Variants in ITGB6 observed in about 807,000 individuals in gnomAD.
The protein encoded by ITGB6 is integrin beta-6.
Under a neutral mutation model 84.5 loss-of-function variants are expected in ITGB6, and 80 were observed. The ratio of observed to expected loss-of-function variants is 0.95; its 90% CI spans 0.79 to 1.14. The LOEUF is 1.14. Ranked by LOEUF, ITGB6 falls within the 50% of genes most tolerant of loss-of-function variation. The pLI, the probability that ITGB6 is intolerant of heterozygous loss-of-function variation, is 0.00. For synonymous variants in ITGB6, 383 were observed against 354.9 expected (o/e 1.08, Z -0.89); for missense variants, 1,006 against 968.0 (o/e 1.04, Z -0.52).
At chr2:160,107,875 T>C in intron 13 of ITGB6, 30 bp from the exon 14 acceptor site, 7 of 1,548,096 alleles carry the variant, frequency 4.5e-6, no homozygotes, top group Non-Finnish European at 5.3e-6. Context: ...TATAAGAAGG[T>C]GGTAAAATCA....
intron 4 of ITGB6, among the ~76,000 whole-genome samples, chr2:160,191,421 G>A (rs1686138370): frequency 6.6e-6 from 1 of 152,048 alleles, no homozygotes; most frequent in Non-Finnish European, 1.5e-5. Flanking sequence ...AAGGTGATGA[G>A]TATTTCTGTC....
chr2:160,136,287 G>A lies in ITGB6; in HGVS notation c.1660+1147C>T, dbSNP rs1233077246. The stretch of plus-strand genomic sequence containing the variant: ...AAAGAAGACATTTATGCAGCCAAAA[G>A]ACACATGAAAAAATGCTCATCATCA... On this transcript the variant is annotated intron_variant, in intron 10 of 14. Transcript: ENST00000283249. 4.6e-5 allele frequency among the ~76,000 whole-genome samples: 7 copies of A among 152,218 alleles called. No homozygotes were observed. In the East Asian group the frequency reaches 5.8e-4, roughly 13 times the overall value.
intron 12 of ITGB6, among the ~76,000 whole-genome samples, chr2:160,113,863 C>G (rs976360474): frequency 8.5e-5 from 13 of 152,266 alleles, no homozygotes; most frequent in African/African-American, 2.9e-4. Context: ...TGTTCACTTG[C>G]CCCTCCAATT....
At chr2:160,188,487 C>G (rs888157191) in intron 4 of ITGB6, among the ~76,000 whole-genome samples, 1 of 152,138 alleles carries the variant, frequency 6.6e-6, no homozygotes. Context: ...GCACCCCCTG[C>G]AGTGCTCTGG....
At position 160,195,400 on chromosome 2, in the gene ITGB6, T is replaced by A; in HGVS notation, c.562A>T (p.Thr188Ser). ...GGGTTGGCAATTTCTTCTGGTGTTG[T>A]TTTCACAAAAGGGGATACAGGTTTT... is the stretch of plus-strand genomic sequence containing the variant. ...VEKPVSPFVK[T>S]TPEEIANPCS... Residue 188 changes from threonine to serine, a missense_variant, in exon 4 of 15, where the codon ACA becomes TCA. Thr to Ser is a moderately conservative substitution (Grantham distance 58). Coordinates refer to ENST00000283249, the MANE Select transcript of ITGB6 (RefSeq NM_000888.5). 6.2e-7 allele frequency: 1 copy of A among 1,614,174 alleles called. No individual in the cohort carries two copies. Among genetic ancestry groups the A allele is most frequent in the Non-Finnish European group, 8.5e-7 (1 of 1,179,994 alleles).
chr2:160,179,675 A>G (rs1685582653), intron 4 of ITGB6, among the ~76,000 whole-genome samples: 1 of 151,328 alleles, frequency 6.6e-6, no homozygotes, highest in Non-Finnish European at 1.5e-5. Context: ...TACAGGTGTG[A>G]GCTACCATGC....
At chr2:160,193,059 A>C (rs1686202741) in intron 4 of ITGB6, among the ~76,000 whole-genome samples, 1 of 152,206 alleles carries the variant, frequency 6.6e-6, no homozygotes, top group Non-Finnish European at 1.5e-5. Context: ...TGGTATGTTC[A>C]CTTTGGAAAA....
intron 2 of ITGB6, among the ~76,000 whole-genome samples, chr2:160,198,785 G>A (rs1686440126): frequency 6.6e-6 from 1 of 152,184 alleles, no homozygotes; most frequent in Non-Finnish European, 1.5e-5. Context: ...CTGGTACCCA[G>A]AGGGAATACA....
intron 2 of ITGB6, among the ~76,000 whole-genome samples, chr2:160,198,703 T>A (rs1285267127): frequency 6.6e-6 from 1 of 152,204 alleles, no homozygotes; most frequent in Non-Finnish European, 1.5e-5. Context: ...AACTGGATAA[T>A]ATCTGACCAG....
intron 7 of ITGB6, among the ~76,000 whole-genome samples, chr2:160,149,386 A>G (rs753531063): frequency 7.2e-5 from 11 of 152,344 alleles, no homozygotes; most frequent in Middle Eastern, 3.4e-3. Context: ...AGGAAAACTA[A>G]CAAACAGAAA....
intron 12 of ITGB6, among the ~76,000 whole-genome samples, chr2:160,113,311 T>C (rs1682613517): frequency 6.6e-6 from 1 of 152,198 alleles, no homozygotes; most frequent in Non-Finnish European, 1.5e-5. Flanking sequence ...AATTAAATAA[T>C]AGTCTGTTTT....
At position 160,172,724 on chromosome 2, in the gene ITGB6, T is replaced by G. The variant is rs1370745345; in HGVS notation, c.766A>C (p.Ile256Leu). The G allele has an allele frequency of 6.3e-7, 1 of 1,592,644 alleles. No homozygotes were observed. The highest frequency in any genetic ancestry group is 2.3e-5 in the East Asian group (1 of 44,322). Residue 256 changes from isoleucine (I) to leucine (L), a missense_variant, in exon 6 of 15, where the codon ATT becomes CTT. By Grantham distance (5) the Ile-to-Leu change is conservative. Coordinates refer to ENST00000283249, the MANE Select transcript of ITGB6 (RefSeq NM_000888.5). ...IMQAAVCKEK[I>L]GWRNDSLHLL... is the part of the protein sequence containing the mutation. ...TGGAGGGAGTCATTCCGCCAGCCAATTTTTTCCTACAGTGAGAAAGAAACA... is the reference window on the plus strand; with the variant it reads ...TGGAGGGAGTCATTCCGCCAGCCAAGTTTTTCCTACAGTGAGAAAGAAACA...
intron 12 of ITGB6, among the ~76,000 whole-genome samples, chr2:160,115,514 A>T (rs1682728165): frequency 6.6e-6 from 1 of 152,212 alleles, no homozygotes; most frequent in African/African-American, 2.4e-5. Context: ...CCTTCTGTAC[A>T]TCAGCATCAT....
intron 4 of ITGB6, among the ~76,000 whole-genome samples, chr2:160,190,355 TAA>T (rs953349227): frequency 1.4e-5 from 2 of 147,664 alleles, no homozygotes; most frequent in South Asian, 4.3e-4. Context: ...AAAGTATAAT[TAA>T]AAAAAAAACA....
At chr2:160,101,882 T>C (rs766968046) in intron 14 of ITGB6, 48 bp from the exon 15 acceptor site, 1 of 1,093,448 alleles carries the variant, frequency 9.1e-7, no homozygotes, top group South Asian at 1.3e-5. Flanking sequence ...ATTTTGTTTT[T>C]ATACTGTTTT....
intron 4 of ITGB6, among the ~76,000 whole-genome samples, chr2:160,185,375 A>G (rs1231698123): frequency 2.0e-5 from 3 of 152,226 alleles, no homozygotes; most frequent in Non-Finnish European, 4.4e-5. Context: ...TCCCATTCAC[A>G]ATTGCTACAA....
chr2:160,134,217 C>T (rs28867432), intron 10 of ITGB6, among the ~76,000 whole-genome samples: 29,931 of 151,978 alleles, frequency 0.2, 3,214 homozygotes, highest in Admixed American at 0.32. Context: ...AAATGATAAA[C>T]GGGATATCAC....
intron 10 of ITGB6, among the ~76,000 whole-genome samples, chr2:160,132,754 A>C (rs1683523679): frequency 6.6e-6 from 1 of 152,186 alleles, no homozygotes; most frequent in Non-Finnish European, 1.5e-5. Context: ...GAATGATTTT[A>C]CAATAGTCAT....
At chr2:160,128,794 G>A (rs1298534163) in intron 10 of ITGB6, among the ~76,000 whole-genome samples, 2 of 152,170 alleles carry the variant, frequency 1.3e-5, no homozygotes, top group African/African-American at 2.4e-5. Context: ...GCCTGGCACA[G>A]AGTAGGACCT....
Sources: allele counts gnomAD v4.1 joint callset (sites outside exome capture counted in the v4.1 genomes callset), GRCh38; gene constraint gnomAD v4.1.1; transcripts MANE v1.5; gene names NCBI Gene and HGNC (gene_info 2026-07-23, HGNC 2026-07-21).